Variants in DRC3 observed in about 807,000 individuals in gnomAD.
The protein encoded by DRC3 is dynein regulatory complex subunit 3.
DRC3 carries 45 observed loss-of-function variants against 57.6 expected under a neutral mutation model. The ratio of observed to expected loss-of-function variants is 0.78; its 90% CI spans 0.62 to 1.00. The LOEUF (loss-of-function observed/expected upper bound fraction) is 1.00. DRC3 is among the 50% of genes least tolerant of loss of function. The pLI is 0.00. For missense variants in DRC3, 655 were observed against 675.2 expected, an observed-to-expected ratio of 0.97 and a Z score of 0.33; for synonymous variants, 257 against 272.3, an observed-to-expected ratio of 0.94 and a Z score of 0.55.
Position 17,994,355 on chromosome 17 carries a change from G to A in DRC3, c.648G>A (p.Glu216=). The change falls in exon 7 of 14, where the codon GAG becomes GAA. Residue 216 remains glutamate (E), a synonymous_variant. Coordinates refer to ENST00000399187, the MANE Select transcript of DRC3 (RefSeq NM_031294.4). ...QYSIDELKHQ[E]NLMQAQLEDE... is the part of the protein sequence containing the mutation. ...GCATCGACGAGCTGAAGCACCAGGAGAACCTGATGCAGGCCCAGCTGGAGG... is the reference window on the plus strand; with the variant it reads ...GCATCGACGAGCTGAAGCACCAGGAAAACCTGATGCAGGCCCAGCTGGAGG... The A allele has an allele frequency of 2.6e-6, 4 of 1,555,430 alleles. No homozygotes were observed. The highest frequency in any genetic ancestry group is 3.5e-6 in the Non-Finnish European group (4 of 1,149,462).
At chr17:17,989,106 T>A (rs1283231868) in intron 5 of DRC3, among the ~76,000 whole-genome samples, 1 of 152,014 alleles carries the variant, frequency 6.6e-6, no homozygotes, top group Non-Finnish European at 1.5e-5. Flanking sequence ...CTGCGAGTGT[T>A]GGGATGAGGG....
chr17:18,004,648 G>A, intron 10 of DRC3, 154 bp downstream of exon 10: 1 of 725,856 alleles, frequency 1.4e-6, no homozygotes, highest in Non-Finnish European at 2.2e-6. Flanking sequence ...AGTCCTGTTT[G>A]CTTTTATTAC....
chr17:17,973,455 C>T (rs930569589), intron 1 of DRC3, among the ~76,000 whole-genome samples: 2 of 152,160 alleles, frequency 1.3e-5, no homozygotes, highest in African/African-American at 4.8e-5. Flanking sequence ...AGTTCCTTTA[C>T]CTCCCTGGAG....
At chr17:18,007,181 T>A (rs1165238054) in intron 12 of DRC3, 34 bp downstream of exon 12, 1 of 41,656 alleles carries the variant, frequency 2.4e-5, no homozygotes, top group East Asian at 3.1e-4. Context: ...GCCTGACAGA[T>A]GTGGTCCAGC....
At chr17:17,994,863 GCCTCTGCA>G in intron 7 of DRC3, 128 bp from the exon 8 acceptor site, 1 of 637,908 alleles carries the variant, frequency 1.6e-6, no homozygotes. Context: ...GCAGTTTTAT[GCCTCTGCA>G]CCTCTGCACA....
At chr17:17,994,786 T>G (rs1445023830) in intron 7 of DRC3, among the ~76,000 whole-genome samples, 3 of 152,228 alleles carry the variant, frequency 2.0e-5, no homozygotes, top group Admixed American at 6.5e-5. Flanking sequence ...AGTTGGCCTC[T>G]TTCCCACCAG....
intron 12 of DRC3, among the ~76,000 whole-genome samples, chr17:18,013,198 G>T (rs1488062148): frequency 2.0e-5 from 3 of 152,192 alleles, no homozygotes; most frequent in Non-Finnish European, 2.9e-5. Flanking sequence ...TATACTGTAA[G>T]TAAGAATGTA....
intron 12 of DRC3, chr17:18,011,347 T>C: frequency 2.9e-6 from 1 of 348,136 alleles, no homozygotes; most frequent in Non-Finnish European, 5.6e-6. Flanking sequence ...CATCAGGGAT[T>C]ACAATGGCCG....
chr17:18,007,370 T>TA, intron 12 of DRC3: 1 of 1,550,088 alleles, frequency 6.5e-7, no homozygotes. Context: ...GAGCTCATGA[T>TA]AATTAGATGG....
Sources: allele counts gnomAD v4.1 joint callset (sites outside exome capture counted in the v4.1 genomes callset), GRCh38; gene constraint gnomAD v4.1.1; transcripts MANE v1.5; gene names NCBI Gene and HGNC (gene_info 2026-07-23, HGNC 2026-07-21).